The following WWOX variants were observed in gnomAD, a reference collection of about 807,000 sequenced individuals.
WWOX encodes the protein WW domain containing oxidoreductase, also known as WW domain-containing oxidoreductase.
In WWOX, 69 loss-of-function variants were observed where a neutral mutation model predicts 46.2. The ratio of observed to expected loss-of-function variants is 1.49; its 90% CI spans 1.23 to 1.82. WWOX has a LOEUF of 1.82. WWOX is among the 40% of genes most tolerant of loss of function. WWOX has a pLI of 0.00. For missense variants in WWOX, 919 were observed against 542.6 expected, an observed-to-expected ratio of 1.69 and a Z score of -6.89; for synonymous variants, 359 against 202.6, an observed-to-expected ratio of 1.77 and a Z score of -6.56.
rs923194788 is a variant in WWOX at position 78,335,670 on chromosome 16, C to T, written c.517-51190C>T. ...CATGTATGTTGACTGCAGCAGTTTT[C>T]ACAGTAGAAAAGACATGGAATTCAC... is the stretch of plus-strand genomic sequence containing the variant. On this transcript the variant is annotated intron_variant, in intron 5 of 8. Transcript: ENST00000566780. Among the ~76,000 whole-genome samples, 4 of 152,118 alleles carry T rather than the reference C, an allele frequency of 2.6e-5. No individual in the cohort carries two copies. The South Asian group carries it at 8.3e-4, about 32-fold the overall frequency.
chr16:79,098,261 T>C (rs377653431), intron 8 of WWOX, among the ~76,000 whole-genome samples: 4 of 152,156 alleles, frequency 2.6e-5, no homozygotes, highest in African/African-American at 7.2e-5. Flanking sequence ...ACAGTCACAT[T>C]TGGGGACTCC....
At chr16:79,052,129 G>C (rs927252296) in intron 8 of WWOX, among the ~76,000 whole-genome samples, 1 of 151,476 alleles carries the variant, frequency 6.6e-6, no homozygotes, top group Non-Finnish European at 1.5e-5. Flanking sequence ...ATGCTGGTGC[G>C]CTGCACCCAC....
intron 8 of WWOX, chr16:78,890,507 C>T (rs1405025275): frequency 6.6e-6 from 1 of 152,158 alleles, no homozygotes; most frequent in Non-Finnish European, 1.5e-5. Flanking sequence ...CTGGGCAAGC[C>T]TCCTGGCTTC....
rs1050028668 is a variant in WWOX, at chr16:78,633,176, C to T, written c.1056+200424C>T. On this transcript the variant is annotated intron_variant, in intron 8 of 8. Coordinates refer to ENST00000566780, the MANE Select transcript of WWOX (RefSeq NM_016373.4). ...ACTCGGGAGGCTGAGGCAGGAGAAT[C>T]GCTTGAGCCTGGGAGGCAGAGGTTG... 5.9e-5 allele frequency among the ~76,000 whole-genome samples: 9 copies of T among 152,106 alleles called. No individual in the cohort carries two copies. The East Asian group carries it at 7.8e-4, about 13-fold the overall frequency.
intron 8 of WWOX, among the ~76,000 whole-genome samples, chr16:78,770,106 C>G (rs760028740): frequency 1.1e-4 from 17 of 151,986 alleles, no homozygotes; most frequent in Non-Finnish European, 1.3e-4. Context: ...AATCCCAGCA[C>G]TTTGGGAATA....
intron 8 of WWOX, among the ~76,000 whole-genome samples, chr16:78,619,702 G>A (rs1459993315): frequency 6.6e-6 from 1 of 151,842 alleles, no homozygotes; most frequent in Non-Finnish European, 1.5e-5. Context: ...CCCAGCAATT[G>A]GAGACCAGCC....
At chr16:78,455,664 A>C (rs1597109677) in intron 8 of WWOX, among the ~76,000 whole-genome samples, 1 of 148,316 alleles carries the variant, frequency 6.7e-6, no homozygotes, top group African/African-American at 2.5e-5. Flanking sequence ...AAAAAAAAAA[A>C]AAAAAATCAA....
At chr16:78,114,832 T>C in intron 3 of WWOX, 144 bp from the exon 4 acceptor site, 2 of 1,003,550 alleles carry the variant, frequency 2.0e-6, no homozygotes, top group South Asian at 1.6e-5. Flanking sequence ...AGAAGATAGA[T>C]TCAGTGGGCC....
At chr16:78,999,298 C>T (rs2047049280) in intron 8 of WWOX, among the ~76,000 whole-genome samples, 1 of 152,152 alleles carries the variant, frequency 6.6e-6, no homozygotes, top group Non-Finnish European at 1.5e-5. Context: ...TGGAGAAACC[C>T]CGTCTCTACT....
At chr16:78,922,199 G>T (rs950793645) in intron 8 of WWOX, among the ~76,000 whole-genome samples, 9 of 152,080 alleles carry the variant, frequency 5.9e-5, no homozygotes, top group African/African-American at 2.2e-4. Flanking sequence ...CTGTGGTACA[G>T]TGTCCCTACC....
In WWOX at chr16:78,823,025, C is replaced by G. The variant is rs973641265; in HGVS notation, c.1057-388583C>G. Reference sequence around the variant, plus strand: ...GTTAAAGAAATATTGGATTCATATTCAACTTGGAAAACAGGGAAAGGCCTT... The same window carrying G: ...GTTAAAGAAATATTGGATTCATATTGAACTTGGAAAACAGGGAAAGGCCTT... On this transcript the variant is annotated intron_variant, in intron 8 of 8. Transcript: ENST00000566780. 2.6e-5 allele frequency among the ~76,000 whole-genome samples: 4 copies of G among 152,140 alleles called. 1 individual carries two copies. Among genetic ancestry groups the G allele is most frequent in the Non-Finnish European group, 4.4e-5 (3 of 68,000 alleles).
At chr16:78,526,381 C>G (rs915944145) in intron 8 of WWOX, 1 of 152,250 alleles carries the variant, frequency 6.6e-6, no homozygotes, top group Non-Finnish European at 1.5e-5. Flanking sequence ...AAGAAGGACC[C>G]CTCATGTGGG....
intron 8 of WWOX, among the ~76,000 whole-genome samples, chr16:79,211,341 G>C (rs1170227745): frequency 6.6e-6 from 1 of 152,270 alleles, no homozygotes; most frequent in Non-Finnish European, 1.5e-5. Flanking sequence ...ATTGATATGT[G>C]TATTTATTTT....
chr16:78,801,046 T>C (rs2050872341), intron 8 of WWOX, among the ~76,000 whole-genome samples: 1 of 151,432 alleles, frequency 6.6e-6, no homozygotes, highest in Non-Finnish European at 1.5e-5. Flanking sequence ...GTTGTCATTC[T>C]CTCTCTACCT....
At chr16:78,816,732 G>A (rs1305062483) in intron 8 of WWOX, among the ~76,000 whole-genome samples, 2 of 151,946 alleles carry the variant, frequency 1.3e-5, no homozygotes, top group African/African-American at 4.8e-5. Context: ...ATGAGCAATT[G>A]CTGTGAAGAA....
intron 8 of WWOX, among the ~76,000 whole-genome samples, chr16:78,688,435 A>C (rs1046587120): frequency 6.6e-6 from 1 of 151,492 alleles, no homozygotes; most frequent in African/African-American, 2.4e-5. Context: ...AGTCTCATTC[A>C]CTTCTTTCTA....
chr16:78,919,519 G>GTTTT (rs1362661780), intron 8 of WWOX, among the ~76,000 whole-genome samples: 2 of 67,256 alleles, frequency 3.0e-5, no homozygotes, highest in African/African-American at 4.4e-5. Context: ...TTATCTTTTT[G>GTTTT]TTTTGTTTTT....
chr16:78,240,769 G>A (rs1244824838), intron 5 of WWOX, among the ~76,000 whole-genome samples: 2 of 152,214 alleles, frequency 1.3e-5, no homozygotes, highest in Admixed American at 6.5e-5. Flanking sequence ...GCCAGGCTGG[G>A]CCAGGCAGGT....
chr16:79,010,811 G>A (rs1248688922), intron 8 of WWOX, among the ~76,000 whole-genome samples: 1 of 151,728 alleles, frequency 6.6e-6, no homozygotes, highest in African/African-American at 2.4e-5. Context: ...AGAGCACACT[G>A]GGGCGGGGGT....
Sources: gnomAD v4.1 joint callset for allele counts (sites outside exome capture counted in the v4.1 genomes callset) on GRCh38, gnomAD v4.1.1 for gene constraint, MANE v1.5 for transcripts, NCBI Gene and HGNC (gene_info 2026-07-23, HGNC 2026-07-21) for gene names.